Variants in BAIAP2 observed in about 807,000 individuals in gnomAD.
BAIAP2 encodes BAR/IMD domain-containing adapter protein 2.
Under a neutral mutation model 63.0 loss-of-function variants are expected in BAIAP2, and 18 were observed. The observed-to-expected ratio is 0.29, with a 90% CI of 0.20 to 0.42. BAIAP2 has a LOEUF of 0.42. BAIAP2 is among the 10% of genes least tolerant of loss of function. The pLI is 1.00. For missense variants in BAIAP2, 610 were observed against 734.3 expected (o/e 0.83, Z 1.96); for synonymous variants, 386 against 307.6 (o/e 1.25, Z -2.67).
chr17:81,082,276 A>T (rs922125555), intron 3 of BAIAP2, among the ~76,000 whole-genome samples: 1 of 152,016 alleles, frequency 6.6e-6, no homozygotes, highest in African/African-American at 2.4e-5. Context: ...GTGCGTGCCC[A>T]CTCACATAGG....
intron 13 of BAIAP2, among the ~76,000 whole-genome samples, chr17:81,112,158 C>T (rs2059999307): frequency 6.6e-6 from 1 of 152,072 alleles, no homozygotes. Flanking sequence ...GCCTCCAGAC[C>T]CCCCCACTCC....
chr17:81,085,399 G>T, intron 4 of BAIAP2: 1 of 641,810 alleles, frequency 1.6e-6, no homozygotes, highest in Non-Finnish European at 2.9e-6. Flanking sequence ...GGAGGGGATG[G>T]CCGTTTGTTT....
intron 13 of BAIAP2, chr17:81,109,449 G>A (rs1037227822): frequency 9.1e-6 from 9 of 986,638 alleles, no homozygotes; most frequent in Non-Finnish European, 1.1e-5. Flanking sequence ...AACAAAAACC[G>A]ATCTGCATGG....
At chr17:81,035,757 G>A (rs2046152550) in intron 1 of BAIAP2, among the ~76,000 whole-genome samples, 1 of 152,108 alleles carries the variant, frequency 6.6e-6, no homozygotes. Context: ...AGGACGGCAT[G>A]GGGGCTGTCT....
chr17:81,036,942 G>T, intron 1 of BAIAP2: 1 of 1,535,920 alleles, frequency 6.5e-7, no homozygotes, highest in South Asian at 1.2e-5. Context: ...AGGAACTTTC[G>T]TGGTGAGAGT....
chr17:81,110,226 T>C, intron 13 of BAIAP2: 1 of 985,612 alleles, frequency 1.0e-6, no homozygotes, highest in Non-Finnish European at 1.2e-6. Context: ...GTAGTGTTTG[T>C]GTGGGAAGCA....
chr17:81,035,713 GGCGGGGGCGGCGGGCCCAGGGGTT>G (rs1286550061), intron 1 of BAIAP2, among the ~76,000 whole-genome samples: 6 of 151,884 alleles, frequency 4.0e-5, no homozygotes, highest in Non-Finnish European at 8.8e-5. Context: ...GGGCCGGGGC[GGCGGGGGCGGCGGGCCCAGGGGTT>G]GCGGCGGCCA....
intron 1 of BAIAP2, chr17:81,053,225 AT>A (rs34904390): frequency 0.41 from 70,194 of 172,114 alleles, 14,845 homozygotes; most frequent in African/African-American, 0.49. Flanking sequence ...TTGGTAATTG[AT>A]GTGTTGAGCA....
At position 81,046,697 on chromosome 17, in the gene BAIAP2, T is replaced by C. The variant is rs543927529; in HGVS notation, c.55-6971T>C. 4.3e-3 allele frequency among the ~76,000 whole-genome samples: 662 copies of C among 152,322 alleles called. 7 individuals are homozygous for C. The highest frequency in any genetic ancestry group is 0.015 in the African/African-American group (638 of 41,576). ...CTGAGGTGTCCTCCCGCGAGGACAC[T>C]GTCCACTGCTGCAGGGCCCCTCCTG... is the stretch of plus-strand genomic sequence containing the variant. On this transcript the variant is annotated intron_variant, in intron 1 of 13. Transcript: ENST00000428708. The surrounding 1 kb of genome is among the most constrained non-coding windows in gnomAD (Gnocchi z 4.5).
intron 13 of BAIAP2, chr17:81,110,890 A>C (rs193245252): frequency 9.3e-6 from 15 of 1,613,382 alleles, no homozygotes; most frequent in African/African-American, 2.7e-5. Context: ...GCTGCCTCCA[A>C]CTGAGCCTTG....
intron 3 of BAIAP2, among the ~76,000 whole-genome samples, chr17:81,070,787 C>T (rs866731548): frequency 1.6e-4 from 24 of 152,240 alleles, no homozygotes; most frequent in Admixed American, 2.0e-4. Context: ...CTGCCTGGGA[C>T]GCTGGGAGTG....
At chr17:81,068,879 G>A (rs2052018134) in intron 3 of BAIAP2, among the ~76,000 whole-genome samples, 1 of 152,214 alleles carries the variant, frequency 6.6e-6, no homozygotes, top group Admixed American at 6.5e-5. Flanking sequence ...TGCCCACAGT[G>A]TCTGTGACCG....
intron 3 of BAIAP2, among the ~76,000 whole-genome samples, chr17:81,080,512 C>G (rs1162122966): frequency 6.6e-6 from 1 of 152,208 alleles, no homozygotes; most frequent in Non-Finnish European, 1.5e-5. Flanking sequence ...TGCAGCTGCA[C>G]GGGCGGGTGG....
intron 3 of BAIAP2, among the ~76,000 whole-genome samples, chr17:81,058,923 G>A (rs1807955344): frequency 6.6e-6 from 1 of 152,170 alleles, no homozygotes; most frequent in Non-Finnish European, 1.5e-5. Context: ...CGGTGGGCTG[G>A]GGGGTCGTGG....
Position 81,072,274 on chromosome 17 carries a change from A to G in BAIAP2, c.218-12558A>G, listed in dbSNP as rs923218702. Reference sequence around the variant, plus strand: ...GCAGGCCCCACCTCAGTCCACAACAATGTTCCTTGATTCCCTCCGGCTTCC... The same window carrying G: ...GCAGGCCCCACCTCAGTCCACAACAGTGTTCCTTGATTCCCTCCGGCTTCC... On this transcript the variant is annotated intron_variant, in intron 3 of 13. Transcript: ENST00000428708. Among the ~76,000 whole-genome samples the G allele has an allele frequency of 3.3e-5, 5 of 152,272 alleles. No homozygotes were observed. In the East Asian group the frequency reaches 9.7e-4, roughly 29 times the overall value.
At chr17:81,095,859 C>T (rs375912657) in intron 6 of BAIAP2, among the ~76,000 whole-genome samples, 21 of 152,208 alleles carry the variant, frequency 1.4e-4, no homozygotes, top group African/African-American at 5.1e-4. Context: ...AACACCAACT[C>T]TCTTCCCGGC....
intron 1 of BAIAP2, among the ~76,000 whole-genome samples, chr17:81,050,318 T>C (rs1310022067): frequency 6.6e-6 from 1 of 152,226 alleles, no homozygotes; most frequent in Non-Finnish European, 1.5e-5. Context: ...CTCTTGCAGA[T>C]GGAGGCAGGG....
intron 9 of BAIAP2, 134 bp from the exon 10 acceptor site, chr17:81,104,380 G>A: frequency 9.9e-7 from 1 of 1,007,788 alleles, no homozygotes; most frequent in Non-Finnish European, 1.5e-6. Flanking sequence ...AGCTGCTGCT[G>A]CGGAGAGCTT....
At position 81,064,287 on chromosome 17, in the gene BAIAP2, C is replaced by T. The variant is rs551742999; in HGVS notation, c.217+6320C>T. Among the ~76,000 whole-genome samples the T allele has an allele frequency of 7.2e-5, 11 of 152,350 alleles. No homozygotes were observed. In the South Asian group the frequency reaches 1.2e-3, roughly 17 times the overall value. On this transcript the variant is annotated intron_variant, in intron 3 of 13. Transcript: ENST00000428708. ...CCTCTGGCCCTGTAGTGCCCACAGCCGGGGAGGTGGCCTCGGGCTATGTAG... is the reference window on the plus strand; with the variant it reads ...CCTCTGGCCCTGTAGTGCCCACAGCTGGGGAGGTGGCCTCGGGCTATGTAG...
Sources: gnomAD v4.1 joint callset for allele counts (sites outside exome capture counted in the v4.1 genomes callset) on GRCh38, gnomAD v4.1.1 for gene constraint, Gnocchi (gnomAD v3.1) non-coding constraint, MANE v1.5 for transcripts, NCBI Gene and HGNC (gene_info 2026-07-23, HGNC 2026-07-21) for gene names.